The following TCF20 variants were observed in gnomAD, a reference collection of about 807,000 sequenced individuals.
TCF20 encodes the protein transcription factor 20.
Under a neutral mutation model 148.6 loss-of-function variants are expected in TCF20, and 3 were observed. That is an observed-to-expected ratio of 0.02 (90% CI 0.01 to 0.05). The LOEUF (loss-of-function observed/expected upper bound fraction) is 0.05. TCF20 is among the 10% of genes least tolerant of loss of function. The probability of loss-of-function intolerance (pLI) is 1.00; values close to 1 mark genes in which losing one functional copy is unlikely to be tolerated. For missense variants in TCF20, 2,350 were observed against 2,429.3 expected (o/e 0.97, Z 0.69); for synonymous variants, 1,049 against 909.5 (o/e 1.15, Z -2.76).
At chr22:42,208,308 GA>G (rs527242822) in intron 2 of TCF20, among the ~76,000 whole-genome samples, 164 of 151,974 alleles carry the variant, frequency 1.1e-3, no homozygotes, top group Admixed American at 2.2e-3. Flanking sequence ...AAAATATCAA[GA>G]AAAAAAATAA....
At chr22:42,255,810 T>G (rs1014558145) in intron 1 of TCF20, among the ~76,000 whole-genome samples, 2 of 152,058 alleles carry the variant, frequency 1.3e-5, no homozygotes, top group African/African-American at 2.4e-5. Flanking sequence ...CAACCATGTA[T>G]TCACACCTCT....
intron 1 of TCF20, among the ~76,000 whole-genome samples, chr22:42,289,358 G>A (rs2147024593): frequency 1.3e-5 from 2 of 152,276 alleles, no homozygotes; most frequent in South Asian, 4.2e-4. Flanking sequence ...CCAAAGAGCA[G>A]AGACAAAGCA....
chr22:42,225,693 T>A (rs1922827237), intron 1 of TCF20, among the ~76,000 whole-genome samples: 1 of 151,202 alleles, frequency 6.6e-6, no homozygotes, highest in Non-Finnish European at 1.5e-5. Context: ...CTGTTCCTAC[T>A]GACAGCAAAG....
chr22:42,323,877 G>GGTA (rs1927786171), intron 1 of TCF20, among the ~76,000 whole-genome samples: 1 of 125,954 alleles, frequency 7.9e-6, no homozygotes, highest in African/African-American at 2.7e-5. Context: ...TGGTGGTGGT[G>GGTA]GTGGTGATGG....
At chr22:42,308,229 G>A (rs1033716632) in intron 1 of TCF20, among the ~76,000 whole-genome samples, 4 of 152,190 alleles carry the variant, frequency 2.6e-5, no homozygotes, top group African/African-American at 7.2e-5. Flanking sequence ...CCTATAGTGA[G>A]GCGGGGGACC....
At chr22:42,224,156 C>G (rs190151791) in intron 1 of TCF20, among the ~76,000 whole-genome samples, 2 of 152,106 alleles carry the variant, frequency 1.3e-5, no homozygotes, top group African/African-American at 2.4e-5. Flanking sequence ...CAGGCAAAAA[C>G]TAGGGGGATA....
At chr22:42,218,301 G>T (rs540763750) in intron 1 of TCF20, among the ~76,000 whole-genome samples, 2 of 152,262 alleles carry the variant, frequency 1.3e-5, no homozygotes, top group East Asian at 3.9e-4. Context: ...TGTCAGTTTG[G>T]CCTTGAAAGT....
At chr22:42,313,638 C>T (rs543146102) in intron 1 of TCF20, among the ~76,000 whole-genome samples, 32 of 126,872 alleles carry the variant, frequency 2.5e-4, no homozygotes, top group African/African-American at 8.1e-4. Flanking sequence ...CTCGCTTTGT[C>T]GCCCCAGCTG....
chr22:42,250,169 G>A (rs1332770238), intron 1 of TCF20, among the ~76,000 whole-genome samples: 3 of 152,180 alleles, frequency 2.0e-5, no homozygotes, highest in Admixed American at 6.5e-5. Context: ...GCCAGGCACG[G>A]TGGCTCACAT....
chr22:42,284,946 T>C (rs1395448027), upstream of TCF20, among the ~76,000 whole-genome samples: 1 of 152,252 alleles, frequency 6.6e-6, no homozygotes, highest in Non-Finnish European at 1.5e-5. Context: ...GCCTGGACTC[T>C]GGGCCGTGGC....
rs1926853886 is a variant in TCF20, at chr22:42,279,509, A to T, written c.-37+4318T>A. 6.6e-6 allele frequency among the ~76,000 whole-genome samples: 1 copy of T among 152,200 alleles called. No individual in the cohort carries two copies. On this transcript the variant is annotated intron_variant, in intron 1 of 5. Coordinates refer to the TCF20 transcript ENST00000359486. The surrounding 1 kb of genome is among the most constrained non-coding windows in gnomAD (Gnocchi z 4.3). ...AATAAAATAAGGAAGGACAGAGGGC[A>T]ATGTGACCTTCGGCAAGCTCCCTAA...
At chr22:42,261,347 A>T (rs1316665619) in intron 1 of TCF20, among the ~76,000 whole-genome samples, 1 of 152,210 alleles carries the variant, frequency 6.6e-6, no homozygotes, top group Non-Finnish European at 1.5e-5. Context: ...AATACCTAGA[A>T]ATTAAACTGC....
chr22:42,163,479 A>G (rs1935587675), intron 5 of TCF20, among the ~76,000 whole-genome samples: 1 of 152,256 alleles, frequency 6.6e-6, no homozygotes, highest in Non-Finnish European at 1.5e-5. Context: ...TTAGGAAGGA[A>G]GGAAAATTCT....
chr22:42,251,032 A>G, intron 1 of TCF20, among the ~76,000 whole-genome samples: 1 of 152,314 alleles, frequency 6.6e-6, no homozygotes, highest in African/African-American at 2.4e-5. Flanking sequence ...ATCCACCCAC[A>G]TAATCCAATC....
In TCF20 at chr22:42,168,534, C is replaced by T. The variant is rs929182256; in HGVS notation, c.*44+75G>A. The T allele has an allele frequency of 1.1e-5, 17 of 1,521,004 alleles. No homozygotes were observed. In the African/African-American group the frequency reaches 1.4e-4, roughly 12 times the overall value. 94.2% of individuals were successfully genotyped at this position (1,521,004 alleles called of 1,614,324 possible). A position where few individuals can be genotyped will look rare whatever the true frequency, so the allele number is the denominator to read the frequency against. ...GAAATGCTGGTGGCAGAGCATAGAG[C>T]GAGCAGGAGGGCAGAGGCAACGACG... is the stretch of plus-strand genomic sequence containing the variant. On this transcript the variant is annotated intron_variant, in intron 5 of 5. Coordinates refer to ENST00000677622, the MANE Select transcript of TCF20 (RefSeq NM_001378418.1).
chr22:42,214,829 A>C lies in TCF20; in HGVS notation c.477T>G (p.Pro159=). ...GGTACTGAGCACTCCCTGGAGAGAA[A>C]GGCCCAGTGTAATCCTGCTGATAAT... ...VSHYQQDYTG[P]FSPGSAQYQQ... is the part of the protein sequence containing the mutation. The change falls in exon 2 of 6, where the codon CCT becomes CCG. Residue 159 remains proline (P), a synonymous_variant. Transcript: ENST00000677622. 2 of 1,614,092 alleles carry C rather than the reference A, an allele frequency of 1.2e-6. No homozygotes were observed.
intron 1 of TCF20, among the ~76,000 whole-genome samples, chr22:42,283,116 T>C (rs1407176800): frequency 2.6e-5 from 4 of 152,190 alleles, no homozygotes; most frequent in Non-Finnish European, 5.9e-5. Flanking sequence ...GACGGCTCCC[T>C]CGACAGCCTG....
In TCF20 at chr22:42,160,203, A is replaced by T. The variant is rs1212541337; in HGVS notation, c.*1200T>A. ...TTTTTTCTTTTTTTAAAACTCAGATATTTAAAAATTATACAATTTACAAAA... is the reference window on the plus strand; with the variant it reads ...TTTTTTCTTTTTTTAAAACTCAGATTTTTAAAAATTATACAATTTACAAAA... On this transcript the variant is annotated 3_prime_UTR_variant, in exon 6 of 6. Transcript: ENST00000677622. 6.6e-6 allele frequency: 1 copy of T among 152,614 alleles called. No individual in the cohort carries two copies. The highest frequency in any genetic ancestry group is 1.5e-5 in the Non-Finnish European group (1 of 68,034). The allele number at this position is 152,614 out of a possible 1,614,324, so 9.5% of individuals were successfully genotyped here.
intron 1 of TCF20, among the ~76,000 whole-genome samples, chr22:42,334,476 CTCAG>C (rs781108159): frequency 5.3e-4 from 80 of 152,130 alleles, no homozygotes; most frequent in Non-Finnish European, 8.5e-4. Context: ...AGCCAGTTCA[CTCAG>C]TCAGTCAACA....
Sources: allele counts gnomAD v4.1 joint callset (sites outside exome capture counted in the v4.1 genomes callset), GRCh38; gene constraint gnomAD v4.1.1; non-coding constraint Gnocchi (gnomAD v3.1); transcripts MANE v1.5; gene names NCBI Gene and HGNC (gene_info 2026-07-23, HGNC 2026-07-21).